The following TANGO6 variants were observed in gnomAD, a reference collection of about 807,000 sequenced individuals.
TANGO6 encodes the protein transport and Golgi organization protein 6 homolog.
A neutral mutation model predicts 114.2 loss-of-function variants in TANGO6; 90 were observed. That is an observed-to-expected ratio of 0.79 (90% CI 0.66 to 0.94). The LOEUF is 0.94. Ranked by LOEUF, TANGO6 falls within the 40% of genes least tolerant of loss-of-function variation. The pLI is 0.00. For missense variants in TANGO6, 1,274 were observed against 1,315.3 expected, an observed-to-expected ratio of 0.97 and a Z score of 0.49; for synonymous variants, 477 against 509.8, an observed-to-expected ratio of 0.94 and a Z score of 0.87.
At chr16:68,880,706 G>A (rs962183328) in intron 7 of TANGO6, 76 bp downstream of exon 7, 1 of 1,071,420 alleles carries the variant, frequency 9.3e-7, no homozygotes, top group African/African-American at 1.7e-5. Flanking sequence ...TTTTTTTGTA[G>A]AGATGGTGGG....
At chr16:68,929,976 T>C (rs560670684) in intron 13 of TANGO6, among the ~76,000 whole-genome samples, 1 of 152,324 alleles carries the variant, frequency 6.6e-6, no homozygotes, top group Admixed American at 6.5e-5. Context: ...TGGAAAAATG[T>C]TGAGGATTGT....
At chr16:68,846,981 C>G (rs1961818992) in intron 1 of TANGO6, 1 of 151,742 alleles carries the variant, frequency 6.6e-6, no homozygotes, top group South Asian at 2.1e-4. Flanking sequence ...ACCTCCGCCT[C>G]CCGGATTCAA....
chr16:69,061,739 C>A (rs1040145796), intron 17 of TANGO6, among the ~76,000 whole-genome samples: 2 of 151,154 alleles, frequency 1.3e-5, no homozygotes, highest in Non-Finnish European at 3.0e-5. Flanking sequence ...CATTTCCGGC[C>A]GGGCGCGCGG....
At chr16:69,065,987 A>G (rs16958594) in intron 17 of TANGO6, among the ~76,000 whole-genome samples, 13,440 of 152,240 alleles carry the variant, frequency 0.088, 670 homozygotes, top group South Asian at 0.18. Context: ...CACTCGCCTC[A>G]AAGACCTTGG....
chr16:68,883,192 G>C (rs964746212), intron 7 of TANGO6, among the ~76,000 whole-genome samples: 2 of 151,992 alleles, frequency 1.3e-5, no homozygotes, highest in Non-Finnish European at 2.9e-5. Context: ...GCAAGACTCT[G>C]CCTCAAAAAA....
At position 68,864,572 on chromosome 16, in the gene TANGO6, T is replaced by G. The variant is rs192528717; in HGVS notation, c.852+1511T>G. On this transcript the variant is annotated intron_variant, in intron 3 of 17. Transcript: ENST00000261778. ...CTTCAGCCTGGGCAACAGAGTGAGA[T>G]CTTGTCTTTAAAAAAAAAACAAAAG... Among the ~76,000 whole-genome samples, 406 of 151,790 alleles carry G rather than the reference T, an allele frequency of 2.7e-3. 1 individual carries two copies. Among genetic ancestry groups the G allele is most frequent in the Middle Eastern group, 0.01 (3 of 292 alleles).
intron 15 of TANGO6, among the ~76,000 whole-genome samples, chr16:69,012,556 CAAAAAAAAAAAAAA>C (rs1175561720): frequency 2.7e-5 from 1 of 36,512 alleles, no homozygotes; most frequent in Non-Finnish European, 5.0e-5. Context: ...AACTCTGTCT[CAAAAAAAAAAAAAA>C]AAAAAAAAGG....
At chr16:68,991,722 G>A (rs1456704973) in intron 15 of TANGO6, among the ~76,000 whole-genome samples, 1 of 152,192 alleles carries the variant, frequency 6.6e-6, no homozygotes, top group Non-Finnish European at 1.5e-5. Context: ...GGAGGCTGAG[G>A]CAGAAGAATC....
intron 14 of TANGO6, among the ~76,000 whole-genome samples, chr16:68,936,197 A>T (rs1027663698): frequency 3.9e-5 from 6 of 152,322 alleles, no homozygotes; most frequent in South Asian, 2.1e-4. Flanking sequence ...AAGAAAATTT[A>T]AAAAAAGGAT....
rs766009923 is a variant in TANGO6 at position 68,974,179 on chromosome 16, T to G, written c.2842+11T>G. On this transcript the variant is annotated intron_variant, in intron 15 of 17. Transcript: ENST00000261778. ...TCGTCAGGGCATTAGGTGAGTTTTC[T>G]TGTTCCATCCACCTGGAAAAGGGTG... 6 of 1,613,788 alleles carry G rather than the reference T, an allele frequency of 3.7e-6. No homozygotes were observed. In the African/African-American group the frequency reaches 8.0e-5, roughly 22 times the overall value.
At chr16:68,893,606 C>T (rs959342367) in intron 7 of TANGO6, among the ~76,000 whole-genome samples, 9 of 151,554 alleles carry the variant, frequency 5.9e-5, no homozygotes, top group Non-Finnish European at 7.4e-5. Flanking sequence ...CGTGGTGGCA[C>T]GCACCTGTAA....
At chr16:68,971,500 C>G (rs1963704054) in intron 14 of TANGO6, among the ~76,000 whole-genome samples, 1 of 152,114 alleles carries the variant, frequency 6.6e-6, no homozygotes, top group South Asian at 2.1e-4. Flanking sequence ...GTCTCAAACT[C>G]CTGGCCTCAA....
chr16:68,883,935 A>C (rs1363562509), intron 7 of TANGO6, among the ~76,000 whole-genome samples: 2 of 152,040 alleles, frequency 1.3e-5, no homozygotes, highest in Non-Finnish European at 2.9e-5. Flanking sequence ...TTTGAGACAG[A>C]GTCTCCCTCT....
At chr16:68,902,961 A>G (rs1012736388) in intron 9 of TANGO6, among the ~76,000 whole-genome samples, 10 of 152,200 alleles carry the variant, frequency 6.6e-5, no homozygotes, top group African/African-American at 2.2e-4. Context: ...TTGATTAGAA[A>G]GTGCTTAATA....
intron 14 of TANGO6, among the ~76,000 whole-genome samples, chr16:68,969,513 A>C (rs1963682006): frequency 6.6e-6 from 1 of 152,078 alleles, no homozygotes; most frequent in Non-Finnish European, 1.5e-5. Context: ...AAACTCAAAC[A>C]GCCAGCCATT....
At chr16:69,020,273 C>T (rs1184886213) in intron 15 of TANGO6, among the ~76,000 whole-genome samples, 1 of 152,142 alleles carries the variant, frequency 6.6e-6, no homozygotes, top group Non-Finnish European at 1.5e-5. Flanking sequence ...GTTGTATATG[C>T]AGTCCATGAT....
chr16:68,884,365 A>G (rs1962509239), intron 7 of TANGO6, among the ~76,000 whole-genome samples: 1 of 152,242 alleles, frequency 6.6e-6, no homozygotes, highest in Non-Finnish European at 1.5e-5. Context: ...CTATGTGAAT[A>G]TAATGCTGTT....
intron 15 of TANGO6, among the ~76,000 whole-genome samples, chr16:68,993,696 GA>G (rs1963965708): frequency 1.3e-5 from 2 of 152,176 alleles, no homozygotes; most frequent in African/African-American, 4.8e-5. Context: ...ATGCTTTAAT[GA>G]GTTTGAACTT....
intron 17 of TANGO6, among the ~76,000 whole-genome samples, chr16:69,047,707 A>G (rs1005070012): frequency 6.6e-6 from 1 of 152,198 alleles, no homozygotes; most frequent in African/African-American, 2.4e-5. Context: ...CAAGGTAACT[A>G]CTGCTGCAGC....
Sources: allele counts gnomAD v4.1 joint callset (sites outside exome capture counted in the v4.1 genomes callset), GRCh38; gene constraint gnomAD v4.1.1; transcripts MANE v1.5; gene names NCBI Gene and HGNC (gene_info 2026-07-23, HGNC 2026-07-21).